The following SLIT2 variants were observed in gnomAD, a reference collection of about 807,000 sequenced individuals.
SLIT2 encodes the protein slit homolog 2 protein.
Under a neutral mutation model 185.7 loss-of-function variants are expected in SLIT2, and 41 were observed. The observed-to-expected ratio is 0.22, with a 90% CI of 0.17 to 0.29. The LOEUF (loss-of-function observed/expected upper bound fraction) is 0.29, where lower values mean the gene tolerates loss of function less well. Ranked by LOEUF, SLIT2 falls within the 10% of genes least tolerant of loss-of-function variation. SLIT2 has a pLI of 1.00. For synonymous variants in SLIT2, 693 were observed against 680.2 expected (o/e 1.02, Z -0.29); for missense variants, 1,571 against 1,909.0 (o/e 0.82, Z 3.30).
At chr4:20,589,584 C>A in intron 29 of SLIT2, 60 bp from the exon 30 acceptor site, 2 of 1,252,326 alleles carry the variant, frequency 1.6e-6, no homozygotes, top group Non-Finnish European at 2.3e-6. Context: ...ATGACACAGT[C>A]TGCTGGCAGG....
In SLIT2 at chr4:20,346,186, G is replaced by A. The variant is rs533904045; in HGVS notation, c.395+77305G>A. The stretch of plus-strand genomic sequence containing the variant: ...TTTTAAAATATTTTTGTAGAGATGG[G>A]AGCCTCCCTCTCTTGTCCAGGCTGG... On this transcript the variant is annotated intron_variant, in intron 4 of 36. Coordinates refer to ENST00000504154, the MANE Select transcript of SLIT2 (RefSeq NM_004787.4). Among the ~76,000 whole-genome samples, 19 of 152,184 alleles carry A rather than the reference G, an allele frequency of 1.2e-4. No homozygotes were observed. The East Asian group carries it at 3.3e-3, about 26-fold the overall frequency.
chr4:20,504,431 T>C (rs989036707), intron 9 of SLIT2, among the ~76,000 whole-genome samples: 5 of 152,180 alleles, frequency 3.3e-5, no homozygotes, highest in African/African-American at 4.8e-5. Flanking sequence ...ACACAATCAA[T>C]CCAAAGACAT....
At chr4:20,616,199 GT>G (rs1163498586) in intron 34 of SLIT2, 1 of 152,234 alleles carries the variant, frequency 6.6e-6, no homozygotes, top group Non-Finnish European at 1.5e-5. Flanking sequence ...TCAGGAGTGA[GT>G]TTTTAGGCAT....
At chr4:20,521,272 C>G (rs1720818037) in intron 12 of SLIT2, among the ~76,000 whole-genome samples, 1 of 152,176 alleles carries the variant, frequency 6.6e-6, no homozygotes, top group Admixed American at 6.5e-5. Flanking sequence ...TACACTAAGG[C>G]TCATTCTTAA....
At chr4:20,527,531 C>A (rs904423286) in intron 15 of SLIT2, among the ~76,000 whole-genome samples, 1 of 152,118 alleles carries the variant, frequency 6.6e-6, no homozygotes, top group Non-Finnish European at 1.5e-5. Flanking sequence ...GTGATCCGCC[C>A]GCCTTGGCCT....
At chr4:20,495,728 T>C (rs1223642316) in intron 9 of SLIT2, among the ~76,000 whole-genome samples, 2 of 152,188 alleles carry the variant, frequency 1.3e-5, no homozygotes, top group Non-Finnish European at 2.9e-5. Flanking sequence ...TGAATTTTAC[T>C]TCCCTGATTA....
intron 29 of SLIT2, among the ~76,000 whole-genome samples, chr4:20,571,063 C>A (rs554386882): frequency 8.5e-5 from 13 of 152,152 alleles, no homozygotes; most frequent in Non-Finnish European, 1.5e-4. Context: ...TGAAGCCTCA[C>A]TTCCCCAACT....
At chr4:20,273,793 A>G (rs184515037) in intron 4 of SLIT2, among the ~76,000 whole-genome samples, 43 of 152,316 alleles carry the variant, frequency 2.8e-4, no homozygotes, top group African/African-American at 8.7e-4. Flanking sequence ...AGAGGAGCCC[A>G]TGTACAAATT....
chr4:20,544,257 T>A (rs1723066011), intron 21 of SLIT2, among the ~76,000 whole-genome samples: 1 of 151,876 alleles, frequency 6.6e-6, no homozygotes, highest in Non-Finnish European at 1.5e-5. Flanking sequence ...ATTTTAGGAG[T>A]ACACCAATGA....
chr4:20,376,507 A>G (rs557224859), intron 4 of SLIT2, among the ~76,000 whole-genome samples: 2 of 152,154 alleles, frequency 1.3e-5, no homozygotes, highest in Non-Finnish European at 2.9e-5. Context: ...TAATGGTGCA[A>G]TGATGCCGAA....
At chr4:20,417,027 A>T (rs1727741326) in intron 4 of SLIT2, among the ~76,000 whole-genome samples, 1 of 151,378 alleles carries the variant, frequency 6.6e-6, no homozygotes, top group Non-Finnish European at 1.5e-5. Flanking sequence ...AAATGGAAAG[A>T]GATTGAAGCC....
At chr4:20,615,819 A>G (rs1016416525) in intron 34 of SLIT2, 1 of 152,284 alleles carries the variant, frequency 6.6e-6, no homozygotes, top group Non-Finnish European at 1.5e-5. Context: ...TCCTCAGCCT[A>G]GAACTTCCAG....
chr4:20,488,881 G>A lies in SLIT2; in HGVS notation c.674G>A (p.Arg225His), dbSNP rs773390655. ...CTGGCCTGGCTCTCCGACTGGCTTCGCCAAAGGCCTCGGGTTGGTCTGTAC... is the reference window on the plus strand; with the variant it reads ...CTGGCCTGGCTCTCCGACTGGCTTCACCAAAGGCCTCGGGTTGGTCTGTAC... ...CHLAWLSDWL[R>H]QRPRVGLYTQ... is the part of the protein sequence containing the mutation. Residue 225 changes from arginine (R) to histidine (H), a missense_variant, in exon 8 of 37, where the codon CGC (arginine) becomes CAC (histidine). Physicochemically the swap from Arg to His is conservative, Grantham distance 29. Coordinates refer to ENST00000504154, the MANE Select transcript of SLIT2 (RefSeq NM_004787.4). 1.1e-4 allele frequency: 179 copies of A among 1,611,306 alleles called. No individual in the cohort carries two copies. Among genetic ancestry groups the A allele is most frequent in the Admixed American group, 3.0e-4 (18 of 59,952 alleles).
At chr4:20,260,122 T>TA (rs1444427607) in intron 3 of SLIT2, among the ~76,000 whole-genome samples, 1 of 151,876 alleles carries the variant, frequency 6.6e-6, no homozygotes, top group Non-Finnish European at 1.5e-5. Flanking sequence ...TGTATTGATT[T>TA]AAAAAATAAA....
intron 4 of SLIT2, among the ~76,000 whole-genome samples, chr4:20,278,980 C>T (rs926015982): frequency 1.8e-4 from 27 of 152,156 alleles, no homozygotes; most frequent in Admixed American, 1.1e-3. Context: ...TGCTTTTATA[C>T]GGAGAAAGTC....
chr4:20,513,212 C>T (rs35505999), intron 11 of SLIT2, among the ~76,000 whole-genome samples: 4,709 of 152,222 alleles, frequency 0.031, 151 homozygotes, highest in African/African-American at 0.075. Flanking sequence ...GCAGTTAAGT[C>T]AGGGAGTTAA....
At chr4:20,317,234 A>G (rs1452221840) in intron 4 of SLIT2, among the ~76,000 whole-genome samples, 1 of 151,852 alleles carries the variant, frequency 6.6e-6, no homozygotes, top group Non-Finnish European at 1.5e-5. Flanking sequence ...TAATGATGAC[A>G]TGGTATATTT....
rs148095592 is a variant in SLIT2 at position 20,254,581 on chromosome 4, G to A, written c.179+587G>A. Among the ~76,000 whole-genome samples, 1 of 152,130 alleles carries A rather than the reference G, an allele frequency of 6.6e-6. No individual in the cohort carries two copies. The highest frequency in any genetic ancestry group is 1.5e-5 in the Non-Finnish European group (1 of 68,024). On this transcript the variant is annotated intron_variant, in intron 1 of 36. Coordinates refer to ENST00000504154, the MANE Select transcript of SLIT2 (RefSeq NM_004787.4). The surrounding 1 kb of genome is among the most constrained non-coding windows in gnomAD (Gnocchi z 5.1). ...GGGTGCCCCAGGACGGCGACACCTC[G>A]CATAGTAGCCTCGCGCAGCCCCCCG... is the stretch of plus-strand genomic sequence containing the variant.
intron 4 of SLIT2, among the ~76,000 whole-genome samples, chr4:20,393,837 T>C (rs974590137): frequency 4.6e-5 from 7 of 152,082 alleles, no homozygotes; most frequent in Non-Finnish European, 7.4e-5. Context: ...CAAGCTGAAC[T>C]GCGTGGGTTG....
Sources: gnomAD v4.1 joint callset for allele counts (sites outside exome capture counted in the v4.1 genomes callset) on GRCh38, gnomAD v4.1.1 for gene constraint, Gnocchi (gnomAD v3.1) non-coding constraint, MANE v1.5 for transcripts, NCBI Gene and HGNC (gene_info 2026-07-23, HGNC 2026-07-21) for gene names.